GRHL2: variants seen among roughly 807,000 people sequenced by gnomAD.
GRHL2 encodes grainyhead-like protein 2 homolog.
GRHL2 carries 21 observed loss-of-function variants against 83.8 expected under a neutral mutation model. That is an observed-to-expected ratio of 0.25 (90% CI 0.18 to 0.36). The LOEUF (loss-of-function observed/expected upper bound fraction) is 0.36. GRHL2 is among the 10% of genes least tolerant of loss of function. GRHL2 has a pLI of 1.00. For synonymous variants in GRHL2, 280 were observed against 278.9 expected (o/e 1.00, Z -0.04); for missense variants, 623 against 781.8 (o/e 0.80, Z 2.42).
intron 2 of GRHL2, among the ~76,000 whole-genome samples, chr8:101,548,789 T>C (rs1811317993): frequency 6.6e-6 from 1 of 152,204 alleles, no homozygotes; most frequent in Non-Finnish European, 1.5e-5. Flanking sequence ...ACCACCTTTA[T>C]GGTATTGTGC....
intron 1 of GRHL2, among the ~76,000 whole-genome samples, chr8:101,495,470 A>G (rs578256045): frequency 6.6e-6 from 1 of 152,372 alleles, no homozygotes; most frequent in South Asian, 2.1e-4. Context: ...GTCTTTGTAC[A>G]TATTTTAAAA....
At chr8:101,608,230 G>A (rs1335206717) in intron 8 of GRHL2, among the ~76,000 whole-genome samples, 1 of 152,194 alleles carries the variant, frequency 6.6e-6, no homozygotes, top group African/African-American at 2.4e-5. Flanking sequence ...CTTACCTGAG[G>A]TTGCACAGCT....
At chr8:101,520,582 T>A (rs1259414323) in intron 1 of GRHL2, among the ~76,000 whole-genome samples, 1 of 152,070 alleles carries the variant, frequency 6.6e-6, no homozygotes, top group African/African-American at 2.4e-5. Flanking sequence ...CATCTTGTGT[T>A]TTTAAAAGAT....
chr8:101,587,769 A>T (rs1197140806), intron 7 of GRHL2, among the ~76,000 whole-genome samples: 4 of 152,218 alleles, frequency 2.6e-5, no homozygotes, highest in African/African-American at 4.8e-5. Context: ...ATACAATTAG[A>T]TAGTTCATGA....
At chr8:101,671,170 G>C (rs150092553), downstream of GRHL2, among the ~76,000 whole-genome samples, 1 of 152,174 alleles carries the variant, frequency 6.6e-6, no homozygotes, top group African/African-American at 2.4e-5. Context: ...CAGACAGTGG[G>C]TGCAGGACAG....
intron 4 of GRHL2, among the ~76,000 whole-genome samples, chr8:101,568,081 T>G (rs1811750845): frequency 6.6e-6 from 1 of 152,250 alleles, no homozygotes; most frequent in Non-Finnish European, 1.5e-5. Context: ...TAGAGCTTTC[T>G]GCAATGATGG....
At chr8:101,551,741 GTAGACGAT>G (rs1296967046) in intron 2 of GRHL2, among the ~76,000 whole-genome samples, 3 of 149,788 alleles carry the variant, frequency 2.0e-5, no homozygotes, top group Non-Finnish European at 4.4e-5. Flanking sequence ...CTAGGATGCA[GTAGACGAT>G]TAGATGATGG....
At chr8:101,614,346 A>C (rs1812812725) in intron 8 of GRHL2, among the ~76,000 whole-genome samples, 1 of 151,224 alleles carries the variant, frequency 6.6e-6, no homozygotes, top group Non-Finnish European at 1.5e-5. Flanking sequence ...CAAAATTAAA[A>C]TTGTATTTAT....
At chr8:101,661,016 T>C (rs556951432) in intron 14 of GRHL2, among the ~76,000 whole-genome samples, 3 of 152,366 alleles carry the variant, frequency 2.0e-5, no homozygotes, top group African/African-American at 7.2e-5. Context: ...GCAGTCCACA[T>C]AACCCTATGT....
At chr8:101,549,119 G>A (rs1320381865) in intron 2 of GRHL2, among the ~76,000 whole-genome samples, 1 of 151,302 alleles carries the variant, frequency 6.6e-6, no homozygotes, top group Non-Finnish European at 1.5e-5. Flanking sequence ...AGTTAGCCTG[G>A]AGAAGGCATG....
intron 4 of GRHL2, 28 bp from the exon 5 acceptor site, chr8:101,570,311 T>G (rs770718690): frequency 6.3e-7 from 1 of 1,590,670 alleles, no homozygotes; most frequent in Admixed American, 1.7e-5. Context: ...ACCTATTTGT[T>G]TTAATTCCGA....
At chr8:101,550,754 A>G (rs768589309) in intron 2 of GRHL2, among the ~76,000 whole-genome samples, 1 of 152,196 alleles carries the variant, frequency 6.6e-6, no homozygotes, top group Admixed American at 6.5e-5. Flanking sequence ...CTGTTTAAAC[A>G]ATAATTCCTT....
intron 4 of GRHL2, among the ~76,000 whole-genome samples, chr8:101,563,320 T>G (rs1272345135): frequency 6.6e-6 from 1 of 152,218 alleles, no homozygotes. Flanking sequence ...ACCAAAATCT[T>G]TTTAAAAACA....
rs559520707 is a variant in GRHL2, at chr8:101,632,872, T to TA, written c.1485+514dup. On this transcript the variant is annotated intron_variant, in intron 11 of 15. Coordinates refer to ENST00000646743, the MANE Select transcript of GRHL2 (RefSeq NM_024915.4). ...AAATGAGGTTGTAGGCAAGCCCCCT[T>TA]AAAAAAATTCCTGTCTTCTAGTTAT... Among the ~76,000 whole-genome samples, 128 of 152,274 alleles carry TA rather than the reference T, an allele frequency of 8.4e-4. 1 individual carries two copies. The highest frequency in any genetic ancestry group is 3.4e-3 in the Middle Eastern group (1 of 294).
At chr8:101,528,518 G>A (rs1253402372) in intron 1 of GRHL2, among the ~76,000 whole-genome samples, 2 of 151,736 alleles carry the variant, frequency 1.3e-5, no homozygotes, top group African/African-American at 2.4e-5. Context: ...ATTGCTGCTG[G>A]AGTTCCCACA....
At chr8:101,562,330 C>A (rs764343392) in intron 4 of GRHL2, 1 of 649,446 alleles carries the variant, frequency 1.5e-6, no homozygotes, top group Non-Finnish European at 2.6e-6. Context: ...TTCAGGAATG[C>A]TTTGGTTCAC....
rs1350992913 is a variant in GRHL2, at chr8:101,517,621, A to G, written c.20+24832A>G. On this transcript the variant is annotated intron_variant, in intron 1 of 15. Coordinates refer to ENST00000646743, the MANE Select transcript of GRHL2 (RefSeq NM_024915.4). ...TTGGGGAGTCTGTGTAGTTAAAAAA[A>G]TTCTCACTTTCCTCAGAGACAATGT... Among the ~76,000 whole-genome samples the G allele has an allele frequency of 2.0e-5, 3 of 152,360 alleles. No homozygotes were observed. The East Asian group carries it at 5.8e-4, about 29-fold the overall frequency.
chr8:101,655,092 G>T (rs569968347), intron 14 of GRHL2, among the ~76,000 whole-genome samples: 3 of 152,036 alleles, frequency 2.0e-5, no homozygotes, highest in Admixed American at 2.0e-4. Context: ...TGAAGCAGGA[G>T]AATCCCTTGA....
chr8:101,577,092 G>C (rs974026674), intron 6 of GRHL2, among the ~76,000 whole-genome samples: 1 of 151,980 alleles, frequency 6.6e-6, no homozygotes, highest in Non-Finnish European at 1.5e-5. Context: ...ATTTGGGGGG[G>C]GTTTCTGCTG....
Sources: allele counts gnomAD v4.1 joint callset (sites outside exome capture counted in the v4.1 genomes callset), GRCh38; gene constraint gnomAD v4.1.1; transcripts MANE v1.5; gene names NCBI Gene and HGNC (gene_info 2026-07-23, HGNC 2026-07-21).